GAD2: variants seen among roughly 807,000 people sequenced by gnomAD.
The protein encoded by GAD2 is glutamate decarboxylase 2.
GAD2 carries 22 observed loss-of-function variants against 80.1 expected under a neutral mutation model. The ratio of observed to expected loss-of-function variants is 0.27; its 90% CI spans 0.20 to 0.39. The LOEUF (loss-of-function observed/expected upper bound fraction) is 0.39, where lower values mean the gene tolerates loss of function less well. GAD2 is among the 10% of genes least tolerant of loss of function. GAD2 has a pLI of 1.00. For missense variants in GAD2, 624 were observed against 738.4 expected (o/e 0.85, Z 1.80); for synonymous variants, 274 against 256.9 (o/e 1.07, Z -0.64).
At chr10:26,224,187 C>T (rs998673342) in intron 5 of GAD2, among the ~76,000 whole-genome samples, 2 of 151,934 alleles carry the variant, frequency 1.3e-5, no homozygotes, top group Non-Finnish European at 2.9e-5. Context: ...TTTTAAAATA[C>T]AAAAGAGACT....
At chr10:26,289,362 A>G (rs548927741) in intron 13 of GAD2, among the ~76,000 whole-genome samples, 24 of 152,320 alleles carry the variant, frequency 1.6e-4, no homozygotes, top group African/African-American at 5.5e-4. Flanking sequence ...GTTGTCAGAC[A>G]TGCCTGGAGA....
upstream of GAD2, chr10:26,216,524 G>A (rs1554849125): frequency 3.7e-6 from 1 of 268,628 alleles, no homozygotes; most frequent in South Asian, 1.0e-4. This position sits in a 1 kb window ranked among gnomAD's most constrained non-coding sequence, Gnocchi z 4.7. Flanking sequence ...GCTTTCCTGA[G>A]TCCGGGCTCC....
intron 8 of GAD2, among the ~76,000 whole-genome samples, chr10:26,249,166 G>A (rs1374019633): frequency 2.0e-5 from 3 of 152,140 alleles, no homozygotes; most frequent in East Asian, 1.9e-4. Context: ...GGGTTCAAGC[G>A]ATTCTTGCGC....
chr10:26,252,644 C>T (rs1242075471), intron 8 of GAD2, among the ~76,000 whole-genome samples: 2 of 151,778 alleles, frequency 1.3e-5, no homozygotes, highest in South Asian at 4.2e-4. Context: ...AGCCACCATG[C>T]CCGACCCGGT....
intron 12 of GAD2, among the ~76,000 whole-genome samples, chr10:26,284,363 A>G (rs938512606): frequency 3.9e-5 from 6 of 152,154 alleles, no homozygotes; most frequent in Admixed American, 6.5e-5. Context: ...CGAGTTTCCT[A>G]AATTTATTTG....
chr10:26,247,034 A>T (rs976436831), intron 8 of GAD2, among the ~76,000 whole-genome samples: 2 of 152,218 alleles, frequency 1.3e-5, no homozygotes, highest in Admixed American at 1.3e-4. Flanking sequence ...GCAAGAAGGA[A>T]TTCAGGGTGA....
At chr10:26,235,903 G>C (rs1844664371) in intron 7 of GAD2, among the ~76,000 whole-genome samples, 1 of 152,158 alleles carries the variant, frequency 6.6e-6, no homozygotes, top group South Asian at 2.1e-4. Flanking sequence ...CCGCGAAACA[G>C]CATAACCTCA....
At position 26,276,057 on chromosome 10, in the gene GAD2, G is replaced by A. The variant is rs1031591913; in HGVS notation, c.1157+2357G>A. ...CATGGCTGTGGTCCTAGCTACTCAG[G>A]AGACTGAGTGAGGCAGGAGGATCAC... On this transcript the variant is annotated intron_variant, in intron 11 of 15. Transcript: ENST00000376261. 2.0e-5 allele frequency among the ~76,000 whole-genome samples: 3 copies of A among 152,144 alleles called. No individual in the cohort carries two copies. In the South Asian group the frequency reaches 6.2e-4, roughly 32 times the overall value.
intron 8 of GAD2, among the ~76,000 whole-genome samples, chr10:26,256,579 G>A (rs1046547697): frequency 1.3e-5 from 2 of 152,114 alleles, no homozygotes; most frequent in South Asian, 2.1e-4. Flanking sequence ...TGACATTGAT[G>A]TTTTTTATGA....
Position 26,235,452 on chromosome 10 carries a change from G to A in GAD2, c.840+5675G>A, listed in dbSNP as rs192212050. Among the ~76,000 whole-genome samples, 628 of 152,284 alleles carry A rather than the reference G, an allele frequency of 4.1e-3. 6 individuals carry two copies. Among genetic ancestry groups the A allele is most frequent in the African/African-American group, 0.014 (592 of 41,554 alleles). On this transcript the variant is annotated intron_variant, in intron 7 of 15. Coordinates refer to ENST00000376261, the MANE Select transcript of GAD2 (RefSeq NM_001134366.2). ...TTTCTGGCCACCAACACCGACTAGAGCTTTGCTTATCTGATGAGGAGGGCA... is the reference window on the plus strand; with the variant it reads ...TTTCTGGCCACCAACACCGACTAGAACTTTGCTTATCTGATGAGGAGGGCA...
At chr10:26,225,005 A>G (rs1177944632) in intron 6 of GAD2, among the ~76,000 whole-genome samples, 6 of 152,212 alleles carry the variant, frequency 3.9e-5, no homozygotes, top group Non-Finnish European at 2.9e-5. Context: ...AGAATTAGTG[A>G]AAGGAAATGG....
At chr10:26,264,259 T>C (rs975530632) in intron 8 of GAD2, among the ~76,000 whole-genome samples, 4 of 151,990 alleles carry the variant, frequency 2.6e-5, no homozygotes, top group African/African-American at 9.7e-5. Flanking sequence ...GTACACACAG[T>C]TAGCATATAT....
intron 8 of GAD2, among the ~76,000 whole-genome samples, chr10:26,248,070 C>G (rs1291098047): frequency 6.6e-6 from 1 of 152,142 alleles, no homozygotes; most frequent in Admixed American, 6.5e-5. Flanking sequence ...GGGCACCAAC[C>G]AAGGTGAATT....
chr10:26,229,453 T>G lies in GAD2; in HGVS notation c.725-209T>G, dbSNP rs556153391. ...ATCCACTGCAGTTCCCCTTAGTGACTGAGATGGGGTGTGACAGTGGCACCT... is the reference window on the plus strand; with the variant it reads ...ATCCACTGCAGTTCCCCTTAGTGACGGAGATGGGGTGTGACAGTGGCACCT... On this transcript the variant is annotated intron_variant, in intron 6 of 15. Transcript: ENST00000376261. 2.0e-5 allele frequency among the ~76,000 whole-genome samples: 3 copies of G among 152,256 alleles called. No individual in the cohort carries two copies. The East Asian group carries it at 5.8e-4, about 29-fold the overall frequency.
At chr10:26,278,624 G>C (rs1402314502) in intron 11 of GAD2, among the ~76,000 whole-genome samples, 1 of 152,060 alleles carries the variant, frequency 6.6e-6, no homozygotes, top group Non-Finnish European at 1.5e-5. Flanking sequence ...AAAGCAAGGA[G>C]GTATTTTTTT....
At chr10:26,273,839 G>C (rs932302389) in intron 11 of GAD2, 139 bp downstream of exon 11, 2 of 625,094 alleles carry the variant, frequency 3.2e-6, no homozygotes, top group Admixed American at 3.3e-5. Flanking sequence ...GCCTTATGTG[G>C]TATTACACTC....
chr10:26,292,250 C>T (rs1283010047), intron 13 of GAD2, among the ~76,000 whole-genome samples: 1 of 152,050 alleles, frequency 6.6e-6, no homozygotes, highest in African/African-American at 2.4e-5. Flanking sequence ...AAAGGAGTTC[C>T]GTGTAGAAAG....
At chr10:26,224,429 C>T (rs1844495799) in intron 5 of GAD2, 110 bp from the exon 6 acceptor site, 1 of 747,344 alleles carries the variant, frequency 1.3e-6, no homozygotes, top group Non-Finnish European at 2.3e-6. Flanking sequence ...ATAATCATAA[C>T]ACTTGTAAAT....
chr10:26,236,601 A>G (rs1308048762), intron 7 of GAD2, among the ~76,000 whole-genome samples: 1 of 152,164 alleles, frequency 6.6e-6, no homozygotes, highest in Non-Finnish European at 1.5e-5. Context: ...GCACCTGGCC[A>G]TAAAGATGAC....
Sources: gnomAD v4.1 joint callset for allele counts (sites outside exome capture counted in the v4.1 genomes callset) on GRCh38, gnomAD v4.1.1 for gene constraint, Gnocchi (gnomAD v3.1) non-coding constraint, MANE v1.5 for transcripts, NCBI Gene and HGNC (gene_info 2026-07-23, HGNC 2026-07-21) for gene names.